Variants in ANTXR1 observed in about 807,000 individuals in gnomAD.
ANTXR1 encodes the protein ANTXR cell adhesion molecule 1, also known as anthrax toxin receptor 1.
A neutral mutation model predicts 78.1 loss-of-function variants in ANTXR1; 19 were observed. That is an observed-to-expected ratio of 0.24 (90% CI 0.17 to 0.36). The LOEUF (loss-of-function observed/expected upper bound fraction) is 0.36. Among genes scored for constraint, ANTXR1 ranks in the 10% least tolerant of loss-of-function variants. ANTXR1 has a pLI of 1.00. For missense variants in ANTXR1, 518 were observed against 718.6 expected, an observed-to-expected ratio of 0.72 and a Z score of 3.19; for synonymous variants, 273 against 260.5, an observed-to-expected ratio of 1.05 and a Z score of -0.46.
intron 17 of ANTXR1, among the ~76,000 whole-genome samples, chr2:69,230,582 C>T (rs569160404): frequency 1.1e-3 from 161 of 152,152 alleles, no homozygotes; most frequent in African/African-American, 3.7e-3. Flanking sequence ...GTCAAAATGG[C>T]AATTTGAGTA....
chr2:69,043,361 C>T (rs997008511), intron 2 of ANTXR1, among the ~76,000 whole-genome samples: 52 of 152,288 alleles, frequency 3.4e-4, no homozygotes, highest in Middle Eastern at 3.4e-3. Context: ...TGAGATCATA[C>T]GTGCAAATCA....
intron 3 of ANTXR1, among the ~76,000 whole-genome samples, chr2:69,069,689 C>G (rs1333177449): frequency 6.6e-6 from 1 of 152,218 alleles, no homozygotes; most frequent in Non-Finnish European, 1.5e-5. Flanking sequence ...GTAATACTCA[C>G]TTTCAGTGGT....
chr2:69,173,254 C>G (rs1479132635), intron 14 of ANTXR1, among the ~76,000 whole-genome samples: 3 of 152,176 alleles, frequency 2.0e-5, no homozygotes, highest in Non-Finnish European at 4.4e-5. Context: ...GCCTCTCTGC[C>G]CTTGTAACTC....
intron 10 of ANTXR1, among the ~76,000 whole-genome samples, chr2:69,105,094 T>G (rs1671761621): frequency 6.6e-6 from 1 of 152,034 alleles, no homozygotes; most frequent in Non-Finnish European, 1.5e-5. Context: ...CAAATAATAA[T>G]AGGAAGAAGA....
chr2:69,164,263 C>T (rs116106882), intron 13 of ANTXR1, among the ~76,000 whole-genome samples: 212 of 152,314 alleles, frequency 1.4e-3, no homozygotes, highest in African/African-American at 4.8e-3. Context: ...ATTCCCATGA[C>T]GCAATGCATC....
intron 10 of ANTXR1, among the ~76,000 whole-genome samples, chr2:69,114,575 T>C (rs1458320886): frequency 6.6e-6 from 1 of 152,180 alleles, no homozygotes; most frequent in Non-Finnish European, 1.5e-5. Context: ...TTCATTTCCT[T>C]CCAAGACTGC....
chr2:69,242,277 C>T (rs921042963), intron 17 of ANTXR1, among the ~76,000 whole-genome samples: 3 of 152,186 alleles, frequency 2.0e-5, no homozygotes, highest in Non-Finnish European at 2.9e-5. Flanking sequence ...CACCTCACTC[C>T]CCCACAGCCC....
intron 1 of ANTXR1, among the ~76,000 whole-genome samples, chr2:69,018,576 T>C (rs1197016043): frequency 1.3e-5 from 2 of 152,238 alleles, no homozygotes; most frequent in African/African-American, 4.8e-5. Context: ...ACTCATGCTC[T>C]CTCACAAGGG....
chr2:69,051,771 T>A (rs1669940993), intron 3 of ANTXR1, among the ~76,000 whole-genome samples: 1 of 152,146 alleles, frequency 6.6e-6, no homozygotes, highest in Admixed American at 6.5e-5. Context: ...AACACATTGC[T>A]TTTTAATTTA....
At chr2:69,045,898 A>C (rs778452916) in intron 3 of ANTXR1, among the ~76,000 whole-genome samples, 2 of 152,152 alleles carry the variant, frequency 1.3e-5, no homozygotes, top group Non-Finnish European at 2.9e-5. Flanking sequence ...CTTCCCAAGA[A>C]TAGCAAACAG....
At chr2:69,076,026 G>A (rs1008020479) in intron 7 of ANTXR1, among the ~76,000 whole-genome samples, 1 of 152,104 alleles carries the variant, frequency 6.6e-6, no homozygotes, top group African/African-American at 2.4e-5. Context: ...GCCCACTGCA[G>A]CGTCTGCCTC....
chr2:69,068,569 T>C (rs11899212), intron 3 of ANTXR1, among the ~76,000 whole-genome samples: 3,638 of 151,400 alleles, frequency 0.024, 137 homozygotes, highest in African/African-American at 0.082. Flanking sequence ...GGCAAGAGAG[T>C]GGGGGCAGAA....
intron 13 of ANTXR1, among the ~76,000 whole-genome samples, chr2:69,163,106 A>T (rs191129728): frequency 6.6e-6 from 1 of 152,214 alleles, no homozygotes; most frequent in Admixed American, 6.5e-5. Flanking sequence ...TTTTTTAAAT[A>T]AACAGGTGAA....
intron 12 of ANTXR1, chr2:69,145,374 T>C (rs1044003787): frequency 1.3e-6 from 2 of 1,597,556 alleles, no homozygotes; most frequent in Non-Finnish European, 1.7e-6. Context: ...TTGCATGGAA[T>C]AGCAGAGAAT....
chr2:69,071,653 G>T, intron 4 of ANTXR1, 101 bp from the exon 5 acceptor site: 1 of 1,157,286 alleles, frequency 8.6e-7, no homozygotes, highest in Non-Finnish European at 1.3e-6. Context: ...AATCAAGACT[G>T]AATTGGCTGC....
chr2:69,090,953 C>A, intron 9 of ANTXR1, 34 bp downstream of exon 9: 11 of 1,600,694 alleles, frequency 6.9e-6, no homozygotes, highest in Non-Finnish European at 9.4e-6. Context: ...TGCTTTCATA[C>A]AATTGATGAT....
chr2:69,019,167 GTGT>G (rs1190243257), intron 1 of ANTXR1, among the ~76,000 whole-genome samples: 1 of 152,224 alleles, frequency 6.6e-6, no homozygotes, highest in Non-Finnish European at 1.5e-5. Context: ...AGATGGCTTA[GTGT>G]CTGCAAAATT....
chr2:69,173,827 A>G (rs1469228147), intron 14 of ANTXR1, among the ~76,000 whole-genome samples: 1 of 152,154 alleles, frequency 6.6e-6, no homozygotes, highest in Non-Finnish European at 1.5e-5. Context: ...AGACCTACAT[A>G]TGAAGTAAAT....
chr2:69,036,713 T>C (rs1407579786), intron 1 of ANTXR1, among the ~76,000 whole-genome samples: 1 of 152,230 alleles, frequency 6.6e-6, no homozygotes, highest in African/African-American at 2.4e-5. Context: ...GGCCAGTCTT[T>C]AAGGAAATCT....
Sources: allele counts gnomAD v4.1 joint callset (sites outside exome capture counted in the v4.1 genomes callset), GRCh38; gene constraint gnomAD v4.1.1; transcripts MANE v1.5; gene names NCBI Gene and HGNC (gene_info 2026-07-23, HGNC 2026-07-21).